The following NRCAM variants were observed in gnomAD, a reference collection of about 807,000 sequenced individuals.
NRCAM encodes the protein NgCAM-related cell adhesion molecule.
A neutral mutation model predicts 156.5 loss-of-function variants in NRCAM; 83 were observed. The observed-to-expected ratio is 0.53, with a 90% CI of 0.44 to 0.64. The LOEUF (loss-of-function observed/expected upper bound fraction) is 0.64, where lower values mean the gene tolerates loss of function less well. NRCAM is among the 30% of genes least tolerant of loss of function. The pLI is 0.00. For missense variants in NRCAM, 1,417 were observed against 1,597.3 expected, an observed-to-expected ratio of 0.89 and a Z score of 1.92; for synonymous variants, 538 against 563.9, an observed-to-expected ratio of 0.95 and a Z score of 0.65.
chr7:108,339,628 A>G (rs11763042), intron 2 of NRCAM, among the ~76,000 whole-genome samples: 33,186 of 152,014 alleles, frequency 0.22, 4,041 homozygotes, highest in East Asian at 0.44. Context: ...GAAAGGCGGG[A>G]AAACAGGCGC....
intron 3 of NRCAM, among the ~76,000 whole-genome samples, chr7:108,249,164 CTACA>C (rs2096174370): frequency 6.6e-6 from 1 of 152,214 alleles, no homozygotes; most frequent in African/African-American, 2.4e-5. Context: ...TCACAGATTA[CTACA>C]ATCTTCCCAG....
intron 1 of NRCAM, among the ~76,000 whole-genome samples, chr7:108,432,363 G>C (rs987667944): frequency 6.6e-6 from 1 of 152,152 alleles, no homozygotes; most frequent in African/African-American, 2.4e-5. Flanking sequence ...CTTCTTGTTC[G>C]AAGAATTGGT....
chr7:108,172,824 T>C (rs148725622), intron 28 of NRCAM, among the ~76,000 whole-genome samples: 4 of 152,322 alleles, frequency 2.6e-5, no homozygotes, highest in African/African-American at 9.6e-5. Context: ...TTTGTAATTA[T>C]ACATTTGAAA....
chr7:108,416,160 T>G (rs1801306434), intron 1 of NRCAM, among the ~76,000 whole-genome samples: 1 of 152,232 alleles, frequency 6.6e-6, no homozygotes, highest in African/African-American at 2.4e-5. Context: ...ATGACTAAGA[T>G]ATTCATCTTC....
chr7:108,167,081 A>G lies in NRCAM; in HGVS notation c.3314-8T>C. On this transcript the variant is annotated splice_polypyrimidine_tract_variant and splice_region_variant and intron_variant, in intron 29 of 32. Coordinates refer to ENST00000379028, the MANE Select transcript of NRCAM (RefSeq NM_001037132.4). ...TTCTCCATTCTTCTTTGCCTATGGA[A>G]ATTTTGCAAAAACAACACATTTGAA... 6.2e-7 allele frequency: 1 copy of G among 1,609,220 alleles called. No homozygotes were observed. Among genetic ancestry groups the G allele is most frequent in the Non-Finnish European group, 8.5e-7 (1 of 1,177,298 alleles).
intron 1 of NRCAM, among the ~76,000 whole-genome samples, chr7:108,425,379 A>G (rs1046356837): frequency 5.9e-5 from 9 of 152,202 alleles, no homozygotes; most frequent in African/African-American, 2.2e-4. Context: ...ACTAAATCCC[A>G]AAGATTTATC....
At chr7:108,356,492 T>C (rs1333861057) in intron 2 of NRCAM, among the ~76,000 whole-genome samples, 2 of 152,168 alleles carry the variant, frequency 1.3e-5, no homozygotes, top group South Asian at 2.1e-4. Flanking sequence ...CTGTATACCT[T>C]TTTTACAAAT....
At chr7:108,208,113 G>A (rs1174484866) in intron 12 of NRCAM, among the ~76,000 whole-genome samples, 2 of 145,136 alleles carry the variant, frequency 1.4e-5, no homozygotes, top group Non-Finnish European at 3.0e-5. Flanking sequence ...GGCCGACATG[G>A]TAAAACCCTG....
At chr7:108,151,787 A>G (rs1307958495) in intron 32 of NRCAM, among the ~76,000 whole-genome samples, 1 of 152,196 alleles carries the variant, frequency 6.6e-6, no homozygotes, top group Non-Finnish European at 1.5e-5. Flanking sequence ...CTTCTTGTGA[A>G]ATATAGTTCA....
chr7:108,277,613 G>A (rs573529913), intron 3 of NRCAM, among the ~76,000 whole-genome samples: 18 of 151,924 alleles, frequency 1.2e-4, no homozygotes, highest in Non-Finnish European at 2.5e-4. Context: ...TCTCTACACT[G>A]GTTATTCTAG....
chr7:108,238,834 T>C (rs974002924), intron 4 of NRCAM, among the ~76,000 whole-genome samples: 6 of 152,122 alleles, frequency 3.9e-5, no homozygotes, highest in Non-Finnish European at 8.8e-5. Context: ...TTGAACTTTA[T>C]AGAAGCACAG....
At chr7:108,194,556 C>T (rs978136068) in intron 15 of NRCAM, 128 bp from the exon 16 acceptor site, 3 of 614,436 alleles carry the variant, frequency 4.9e-6, no homozygotes, top group East Asian at 5.8e-5. Flanking sequence ...AAGGATTGTA[C>T]TTTTGAAAGT....
intron 2 of NRCAM, among the ~76,000 whole-genome samples, chr7:108,318,047 T>A (rs1434783340): frequency 1.6e-5 from 2 of 124,282 alleles, no homozygotes; most frequent in Non-Finnish European, 3.4e-5. Flanking sequence ...TCCTTTTTTT[T>A]TTTTTTTTTT....
intron 14 of NRCAM, 80 bp downstream of exon 14, chr7:108,197,876 A>G: frequency 9.1e-7 from 1 of 1,095,954 alleles, no homozygotes; most frequent in Non-Finnish European, 1.3e-6. Context: ...TAGATGCTCA[A>G]TATATTTTTG....
chr7:108,184,105 T>G, intron 22 of NRCAM, 136 bp downstream of exon 22: 1 of 424,702 alleles, frequency 2.4e-6, no homozygotes, highest in Non-Finnish European at 3.9e-6. Context: ...AAGATATATA[T>G]GTATCTTTAT....
chr7:108,420,598 G>A (rs867019624), intron 1 of NRCAM, among the ~76,000 whole-genome samples: 1 of 152,140 alleles, frequency 6.6e-6, no homozygotes, highest in African/African-American at 2.4e-5. Flanking sequence ...GTCTCCGTAA[G>A]TACCCACTGC....
intron 2 of NRCAM, among the ~76,000 whole-genome samples, chr7:108,361,413 T>A (rs747987123): frequency 1.3e-5 from 2 of 152,210 alleles, no homozygotes; most frequent in Non-Finnish European, 2.9e-5. Flanking sequence ...GTAGTCTGAG[T>A]AAAGCCGATC....
At chr7:108,422,708 C>T (rs1395945503) in intron 1 of NRCAM, among the ~76,000 whole-genome samples, 1 of 152,128 alleles carries the variant, frequency 6.6e-6, no homozygotes, top group Non-Finnish European at 1.5e-5. Flanking sequence ...AGAACAGTGC[C>T]AGGCATTGAG....
chr7:108,310,796 A>T (rs2098792337), intron 3 of NRCAM, among the ~76,000 whole-genome samples: 1 of 152,178 alleles, frequency 6.6e-6, no homozygotes, highest in Non-Finnish European at 1.5e-5. Context: ...AAAATGAGAC[A>T]TTTTAGTGGC....
Sources: gnomAD v4.1 joint callset for allele counts (sites outside exome capture counted in the v4.1 genomes callset) on GRCh38, gnomAD v4.1.1 for gene constraint, MANE v1.5 for transcripts, NCBI Gene and HGNC (gene_info 2026-07-23, HGNC 2026-07-21) for gene names.